MBD5: variants seen among roughly 807,000 people sequenced by gnomAD.
MBD5 encodes methyl-CpG binding domain protein 5.
Under a neutral mutation model 117.3 loss-of-function variants are expected in MBD5, and 13 were observed. The observed-to-expected ratio is 0.11, with a 90% CI of 0.07 to 0.18. The LOEUF is 0.18. Ranked by LOEUF, MBD5 falls within the 10% of genes least tolerant of loss-of-function variation. The pLI, the probability that MBD5 is intolerant of heterozygous loss-of-function variation, is 1.00. For synonymous variants in MBD5, 727 were observed against 766.4 expected (o/e 0.95, Z 0.85); for missense variants, 1,879 against 2,093.8 (o/e 0.90, Z 2.00).
intron 1 of MBD5, among the ~76,000 whole-genome samples, chr2:148,147,185 G>C (rs1404861252): frequency 6.6e-6 from 1 of 151,126 alleles, no homozygotes; most frequent in Non-Finnish European, 1.5e-5. Context: ...TTTCCTTTTT[G>C]CATATATCAT....
intron 4 of MBD5, among the ~76,000 whole-genome samples, chr2:148,357,071 G>A (rs1211806218): frequency 6.6e-6 from 1 of 152,128 alleles, no homozygotes; most frequent in Non-Finnish European, 1.5e-5. Context: ...AGCCTTACAG[G>A]TCTGGGGGAA....
At chr2:148,198,365 T>C (rs1377669877) in intron 2 of MBD5, among the ~76,000 whole-genome samples, 1 of 152,212 alleles carries the variant, frequency 6.6e-6, no homozygotes, top group Non-Finnish European at 1.5e-5. Context: ...TCAATGTCTC[T>C]GTGCATTGGC....
At chr2:148,276,360 C>G (rs1332139964) in intron 3 of MBD5, among the ~76,000 whole-genome samples, 1 of 152,136 alleles carries the variant, frequency 6.6e-6, no homozygotes, top group Non-Finnish European at 1.5e-5. Context: ...AGAAAAATGT[C>G]AAAGCTATAG....
chr2:148,325,207 C>G (rs889201235), intron 3 of MBD5, among the ~76,000 whole-genome samples: 1 of 152,134 alleles, frequency 6.6e-6, no homozygotes, highest in African/African-American at 2.4e-5. Flanking sequence ...GGTGGATAAG[C>G]TTTTTGATGT....
chr2:148,171,434 A>G (rs1232915938), intron 1 of MBD5, among the ~76,000 whole-genome samples: 1 of 152,220 alleles, frequency 6.6e-6, no homozygotes, highest in East Asian at 1.9e-4. Flanking sequence ...ACATCCTTTC[A>G]TGTTAAAAAA....
chr2:148,393,767 A>G lies in MBD5; in HGVS notation c.-557+51431A>G, dbSNP rs113732494. Reference sequence around the variant, plus strand: ...ACCAACTTTGATAGACACAGAAAGCACAGCCTCCTTTCAGATGAACTTCAG... The same window carrying G: ...ACCAACTTTGATAGACACAGAAAGCGCAGCCTCCTTTCAGATGAACTTCAG... On this transcript the variant is annotated intron_variant, in intron 4 of 13. Transcript: ENST00000642680. Among the ~76,000 whole-genome samples the G allele has an allele frequency of 4.8e-3, 732 of 152,276 alleles. 4 individuals are homozygous for G. The highest frequency in any genetic ancestry group is 0.017 in the African/African-American group (706 of 41,558).
Position 148,470,402 on chromosome 2 carries a change from C to T in MBD5, c.2459C>T (p.Ser820Phe). Residue 820 changes from serine to phenylalanine, a missense_variant, in exon 8 of 14, where the codon TCC becomes TTC. Physicochemically the swap from Ser to Phe is radical, Grantham distance 155. Transcript: ENST00000642680. ...CCTCAGTCAAGAATTTCAACGTCCT[C>T]CACTCCAGTGATACCAAACAGCATT... ...NPPQSRISTS[S>F]TPVIPNSIVS... 1.2e-6 allele frequency: 2 copies of T among 1,613,094 alleles called. No homozygotes were observed. Among genetic ancestry groups the T allele is most frequent in the Non-Finnish European group, 1.7e-6 (2 of 1,179,400 alleles).
At chr2:148,428,388 A>G (rs1338836854) in intron 4 of MBD5, among the ~76,000 whole-genome samples, 1 of 152,216 alleles carries the variant, frequency 6.6e-6, no homozygotes, top group African/African-American at 2.4e-5. Context: ...CATAGATAGG[A>G]AGAATCAGTA....
At chr2:148,462,497 C>T (rs987278951) in intron 5 of MBD5, 85 bp from the exon 6 acceptor site, 4 of 864,378 alleles carry the variant, frequency 4.6e-6, no homozygotes, top group Non-Finnish European at 5.8e-6. Context: ...CCATAAAGGA[C>T]AGTAAGACTA....
At chr2:148,343,731 T>C (rs1460460117) in intron 4 of MBD5, among the ~76,000 whole-genome samples, 1 of 152,058 alleles carries the variant, frequency 6.6e-6, no homozygotes, top group East Asian at 1.9e-4. Flanking sequence ...GGATTGTCTA[T>C]TTACTCTGTT....
At chr2:148,064,151 A>G (rs1239336382) in intron 1 of MBD5, among the ~76,000 whole-genome samples, 2 of 125,036 alleles carry the variant, frequency 1.6e-5, no homozygotes, top group Non-Finnish European at 3.2e-5. Flanking sequence ...TTTGAGACAG[A>G]GCCTCGCTCT....
rs72854828 is a variant in MBD5, at chr2:148,162,313, G to T, written c.-924-16387G>T. Among the ~76,000 whole-genome samples, 407 of 152,032 alleles carry T rather than the reference G, an allele frequency of 2.7e-3. 1 individual carries two copies. The highest frequency in any genetic ancestry group is 4.3e-3 in the Non-Finnish European group (290 of 68,030). ...TTCCCCACCCCCCTGTCCATTTACT[G>T]AGACCCTCCCAAATAACTTATCTTC... On this transcript the variant is annotated intron_variant, in intron 1 of 13. Coordinates refer to ENST00000642680, the MANE Select transcript of MBD5 (RefSeq NM_001378120.1).
intron 3 of MBD5, among the ~76,000 whole-genome samples, chr2:148,269,172 C>G (rs1225519780): frequency 1.2e-4 from 18 of 151,956 alleles, no homozygotes. Context: ...TGTAGTTGTT[C>G]AAGTCTACCT....
chr2:148,223,308 C>T (rs1258952812), intron 2 of MBD5, among the ~76,000 whole-genome samples: 1 of 151,792 alleles, frequency 6.6e-6, no homozygotes, highest in Non-Finnish European at 1.5e-5. Flanking sequence ...ATTCCCTTTT[C>T]TGTTTTTTGG....
At chr2:148,212,475 C>G (rs1341179670) in intron 2 of MBD5, among the ~76,000 whole-genome samples, 1 of 152,084 alleles carries the variant, frequency 6.6e-6, no homozygotes. Context: ...ATTTATTCAT[C>G]AGGTACTTAG....
At chr2:148,372,456 A>G (rs1703880066) in intron 4 of MBD5, among the ~76,000 whole-genome samples, 1 of 152,086 alleles carries the variant, frequency 6.6e-6, no homozygotes, top group Admixed American at 6.6e-5. Flanking sequence ...ATATGTGTTT[A>G]TTAATGAAAA....
intron 2 of MBD5, among the ~76,000 whole-genome samples, chr2:148,210,387 T>C (rs1328240452): frequency 1.3e-5 from 2 of 152,104 alleles, no homozygotes; most frequent in African/African-American, 4.8e-5. Context: ...TCATTTATTA[T>C]ATTGTTCAAG....
chr2:148,434,409 T>C (rs1706093123), intron 4 of MBD5, among the ~76,000 whole-genome samples: 1 of 152,162 alleles, frequency 6.6e-6, no homozygotes, highest in Admixed American at 6.5e-5. Context: ...TCTTGTCTTT[T>C]GCTAGCTTTG....
In MBD5 at chr2:148,293,679, G is replaced by A. The variant is rs1701557710; in HGVS notation, c.-679-48535G>A. ...GTATAATGTTGAATAGAAGTGGCAA[G>A]ACTAGATATTTTTTGTTCCTGATCT... On this transcript the variant is annotated intron_variant, in intron 3 of 13. Transcript: ENST00000642680. 2.0e-5 allele frequency among the ~76,000 whole-genome samples: 3 copies of A among 152,134 alleles called. No individual in the cohort carries two copies. The South Asian group carries it at 6.2e-4, about 32-fold the overall frequency.
Sources: gnomAD v4.1 joint callset for allele counts (sites outside exome capture counted in the v4.1 genomes callset) on GRCh38, gnomAD v4.1.1 for gene constraint, MANE v1.5 for transcripts, NCBI Gene and HGNC (gene_info 2026-07-23, HGNC 2026-07-21) for gene names.